The following NUBPL variants were observed in gnomAD, a reference collection of about 807,000 sequenced individuals.
The protein encoded by NUBPL is NUBP iron-sulfur cluster assembly factor, mitochondrial.
NUBPL carries 31 observed loss-of-function variants against 45.7 expected under a neutral mutation model. That is an observed-to-expected ratio of 0.68 (90% CI 0.51 to 0.92). The LOEUF is 0.92. Among genes scored for constraint, NUBPL ranks in the 40% least tolerant of loss-of-function variants. The probability of loss-of-function intolerance (pLI) is 0.00; values close to 1 mark genes in which losing one functional copy is unlikely to be tolerated. For missense variants in NUBPL, 401 were observed against 398.7 expected (o/e 1.01, Z -0.05); for synonymous variants, 144 against 140.9 (o/e 1.02, Z -0.15).
At chr14:31,801,928 G>C (rs7141900) in intron 7 of NUBPL, among the ~76,000 whole-genome samples, 54,543 of 152,068 alleles carry the variant, frequency 0.36, 11,937 homozygotes, top group East Asian at 0.6. Context: ...TAGTCAGCTA[G>C]TTAATATGTT....
chr14:31,693,336 C>T (rs539439685), intron 6 of NUBPL, among the ~76,000 whole-genome samples: 24 of 152,098 alleles, frequency 1.6e-4, no homozygotes, highest in South Asian at 1.2e-3. Flanking sequence ...ATACTTCAGA[C>T]GACCTTCTTT....
intron 7 of NUBPL, among the ~76,000 whole-genome samples, chr14:31,801,981 G>A (rs1355042100): frequency 1.3e-5 from 2 of 152,312 alleles, no homozygotes; most frequent in Middle Eastern, 3.4e-3. Context: ...ACAGTTTGGT[G>A]TGATACCATT....
At chr14:31,691,633 G>A (rs995714188) in intron 6 of NUBPL, among the ~76,000 whole-genome samples, 1 of 152,188 alleles carries the variant, frequency 6.6e-6, no homozygotes, top group Non-Finnish European at 1.5e-5. Context: ...AATTGCTTGA[G>A]AATAAGAGTT....
chr14:31,720,946 C>G (rs1363418178), intron 6 of NUBPL, among the ~76,000 whole-genome samples: 2 of 152,266 alleles, frequency 1.3e-5, no homozygotes, highest in East Asian at 1.9e-4. Flanking sequence ...CCCTTGAATT[C>G]CTTCATAGTA....
chr14:31,579,050 A>T (rs2033794130), intron 3 of NUBPL, among the ~76,000 whole-genome samples: 1 of 152,208 alleles, frequency 6.6e-6, no homozygotes, highest in Non-Finnish European at 1.5e-5. Flanking sequence ...GGTTCCCTGC[A>T]TGGCTATAGG....
At chr14:31,768,233 A>T (rs1338177482) in intron 6 of NUBPL, among the ~76,000 whole-genome samples, 2 of 152,224 alleles carry the variant, frequency 1.3e-5, no homozygotes, top group Non-Finnish European at 2.9e-5. Flanking sequence ...GGGCAAAGAA[A>T]ATATTCTCAT....
At chr14:31,833,744 C>G (rs1595692217) in intron 8 of NUBPL, among the ~76,000 whole-genome samples, 1 of 152,176 alleles carries the variant, frequency 6.6e-6, no homozygotes, top group East Asian at 1.9e-4. Flanking sequence ...CATCTTCATT[C>G]TAGCTAGCCA....
At chr14:31,651,357 C>G (rs931859514) in intron 4 of NUBPL, among the ~76,000 whole-genome samples, 2 of 152,146 alleles carry the variant, frequency 1.3e-5, no homozygotes, top group East Asian at 1.9e-4. Flanking sequence ...AGCCACCACA[C>G]CCTGCCCAGA....
At chr14:31,666,792 A>G (rs1353713080) in intron 4 of NUBPL, among the ~76,000 whole-genome samples, 1 of 151,910 alleles carries the variant, frequency 6.6e-6, no homozygotes, top group African/African-American at 2.4e-5. Context: ...AAAGGTTTTT[A>G]TTTCTCCTTC....
At chr14:31,688,537 GCC>G in intron 6 of NUBPL, among the ~76,000 whole-genome samples, 2 of 144,240 alleles carry the variant, frequency 1.4e-5, no homozygotes, top group Non-Finnish European at 3.0e-5. Flanking sequence ...CTGAGATTGC[GCC>G]ATTGCACTCC....
intron 4 of NUBPL, among the ~76,000 whole-genome samples, chr14:31,638,088 A>T (rs1033904477): frequency 4.6e-5 from 7 of 151,754 alleles, no homozygotes; most frequent in Non-Finnish European, 8.8e-5. Flanking sequence ...GGCCATTTAC[A>T]TTTAAAGTTA....
Position 31,673,453 on chromosome 14 carries a change from A to G in NUBPL, c.423-31A>G. On this transcript the variant is annotated intron_variant, in intron 5 of 10. Transcript: ENST00000281081. ...AGAATAATGTTGATTAATTTATACA[A>G]ATTAGTTGTATTTTTATGTTACTGT... 1.9e-6 allele frequency: 3 copies of G among 1,607,490 alleles called. No homozygotes were observed. The South Asian group carries it at 3.3e-5, about 18-fold the overall frequency.
chr14:31,735,678 C>G (rs1595560889), intron 6 of NUBPL, among the ~76,000 whole-genome samples: 1 of 151,824 alleles, frequency 6.6e-6, no homozygotes, highest in East Asian at 1.9e-4. Context: ...ATGGTGAAAC[C>G]CTGTCTCTAC....
At chr14:31,786,787 A>G (rs911873002) in intron 6 of NUBPL, among the ~76,000 whole-genome samples, 2 of 152,232 alleles carry the variant, frequency 1.3e-5, no homozygotes, top group Non-Finnish European at 2.9e-5. Context: ...GAAATTAGGA[A>G]GTGAAGAAGA....
At chr14:31,673,242 T>A in intron 4 of NUBPL, 113 bp from the exon 5 acceptor site, 1 of 790,432 alleles carries the variant, frequency 1.3e-6, no homozygotes, top group Non-Finnish European at 2.1e-6. Context: ...CGTAAACATA[T>A]GCAATTTTTG....
At chr14:31,788,315 C>G (rs139650699) in intron 7 of NUBPL, among the ~76,000 whole-genome samples, 2 of 152,288 alleles carry the variant, frequency 1.3e-5, no homozygotes, top group South Asian at 2.1e-4. Context: ...AATGAGCCAG[C>G]AGCCCTGAGA....
chr14:31,854,449 G>T (rs929963457), intron 10 of NUBPL, among the ~76,000 whole-genome samples: 4 of 152,104 alleles, frequency 2.6e-5, no homozygotes, highest in African/African-American at 9.7e-5. Context: ...TTATTCCTCA[G>T]GTGGGAACAG....
At chr14:31,750,555 C>T (rs1016290267) in intron 6 of NUBPL, among the ~76,000 whole-genome samples, 12 of 151,806 alleles carry the variant, frequency 7.9e-5, no homozygotes, top group Admixed American at 7.9e-4. Context: ...TCTTTGAAGT[C>T]TCTTATGGGA....
intron 4 of NUBPL, among the ~76,000 whole-genome samples, chr14:31,669,228 T>C (rs892784844): frequency 2.0e-5 from 3 of 152,190 alleles, no homozygotes; most frequent in African/African-American, 7.2e-5. Flanking sequence ...TGTGTCAGTA[T>C]ATGTATTGCA....
Sources: gnomAD v4.1 joint callset for allele counts (sites outside exome capture counted in the v4.1 genomes callset) on GRCh38, gnomAD v4.1.1 for gene constraint, MANE v1.5 for transcripts, NCBI Gene and HGNC (gene_info 2026-07-23, HGNC 2026-07-21) for gene names.